SRPK2: variants seen among roughly 807,000 people sequenced by gnomAD.
SRPK2 encodes the protein SRSF protein kinase 2, also known as SFRS protein kinase 2.
A neutral mutation model predicts 90.8 loss-of-function variants in SRPK2; 21 were observed. That is an observed-to-expected ratio of 0.23 (90% CI 0.16 to 0.33). The LOEUF (loss-of-function observed/expected upper bound fraction) is 0.33. Among genes scored for constraint, SRPK2 ranks in the 10% least tolerant of loss-of-function variants. The pLI is 1.00. For synonymous variants in SRPK2, 288 were observed against 311.1 expected, an observed-to-expected ratio of 0.93 and a Z score of 0.78; for missense variants, 620 against 869.0, an observed-to-expected ratio of 0.71 and a Z score of 3.60.
intron 2 of SRPK2, among the ~76,000 whole-genome samples, chr7:105,329,232 A>G (rs1164196952): frequency 1.3e-5 from 2 of 152,128 alleles, no homozygotes; most frequent in Non-Finnish European, 2.9e-5. Context: ...CCCTAAAAGA[A>G]AGCTCTTTTC....
intron 1 of SRPK2, among the ~76,000 whole-genome samples, chr7:105,395,189 A>G (rs1222334976): frequency 6.6e-6 from 1 of 152,060 alleles, no homozygotes; most frequent in Non-Finnish European, 1.5e-5. Flanking sequence ...AAAACAAAAC[A>G]AAACAAAAAA....
In SRPK2 at chr7:105,143,340, G is replaced by C; in HGVS notation, c.814-10C>G. The C allele has an allele frequency of 1.9e-6, 3 of 1,608,056 alleles. No individual in the cohort carries two copies. The highest frequency in any genetic ancestry group is 2.5e-6 in the Non-Finnish European group (3 of 1,179,336). ...TAGATATTTTTCCTATCTATGTTAA[G>C]GAAAGACCACAGGTCAGTATTCTTC... is the stretch of plus-strand genomic sequence containing the variant. On this transcript the variant is annotated splice_polypyrimidine_tract_variant and intron_variant, in intron 9 of 15. Coordinates refer to ENST00000393651, the MANE Select transcript of SRPK2 (RefSeq NM_182692.3).
chr7:105,294,000 G>T (rs555959482), intron 2 of SRPK2, among the ~76,000 whole-genome samples: 1 of 152,184 alleles, frequency 6.6e-6, no homozygotes, highest in East Asian at 1.9e-4. Context: ...CCTGCACCGG[G>T]GTCAGGGGGC....
chr7:105,203,609 A>G lies in SRPK2; in HGVS notation c.229+19T>C. The G allele has an allele frequency of 6.8e-7, 1 of 1,470,826 alleles. No individual in the cohort carries two copies. The highest frequency in any genetic ancestry group is 9.0e-7 in the Non-Finnish European group (1 of 1,112,380). The allele number at this position is 1,470,826 out of a possible 1,614,324, so 91.1% of individuals were successfully genotyped here. A position where few individuals can be genotyped will look rare whatever the true frequency, so the allele number is the denominator to read the frequency against. ...CAATGGGGAAGGCAAGCCCCACACC[A>G]CCATGCTTGGCACATCACCTTTGCA... On this transcript the variant is annotated intron_variant, in intron 3 of 15. Coordinates refer to ENST00000393651, the MANE Select transcript of SRPK2 (RefSeq NM_182692.3).
intron 2 of SRPK2, chr7:105,244,997 A>G (rs1466480341): frequency 1.4e-5 from 13 of 956,096 alleles, no homozygotes; most frequent in Non-Finnish European, 1.8e-5. Context: ...TCTCCCTGAA[A>G]TAAAGAACAG....
chr7:105,216,982 C>T (rs902343397), intron 2 of SRPK2, among the ~76,000 whole-genome samples: 1 of 152,138 alleles, frequency 6.6e-6, no homozygotes, highest in Non-Finnish European at 1.5e-5. Flanking sequence ...AAGGTTAATC[C>T]TCACCTCCCC....
intron 2 of SRPK2, among the ~76,000 whole-genome samples, chr7:105,245,935 C>T (rs538895359): frequency 4.6e-5 from 7 of 152,010 alleles, no homozygotes; most frequent in Non-Finnish European, 1.0e-4. Flanking sequence ...TAGGTCACCG[C>T]GAGGCAGGAT....
rs142822837 is a variant in SRPK2, at chr7:105,294,824, C to A, written c.72-91039G>T. 3.3e-4 allele frequency among the ~76,000 whole-genome samples: 50 copies of A among 152,314 alleles called. 1 individual carries two copies. In the East Asian group the frequency reaches 3.7e-3, roughly 11 times the overall value. The stretch of plus-strand genomic sequence containing the variant: ...TACAGGTGTGAGCCACCGCACCCAA[C>A]CCTTAGTCATTTTCTAATCCTGTTT... On this transcript the variant is annotated intron_variant, in intron 2 of 15. Transcript: ENST00000393651.
At chr7:105,269,088 G>C in intron 2 of SRPK2, 1 of 1,190,256 alleles carries the variant, frequency 8.4e-7, no homozygotes, top group Non-Finnish European at 1.1e-6. Context: ...ATGAAAGCAG[G>C]AAGTACCATT....
chr7:105,363,275 C>T (rs1015103225), intron 2 of SRPK2, among the ~76,000 whole-genome samples: 2 of 151,700 alleles, frequency 1.3e-5, no homozygotes, highest in Non-Finnish European at 2.9e-5. Flanking sequence ...TGCAATCTAC[C>T]CATCTGACAA....
chr7:105,213,035 A>C (rs2129613063), intron 2 of SRPK2, among the ~76,000 whole-genome samples: 1 of 152,314 alleles, frequency 6.6e-6, no homozygotes, highest in Non-Finnish European at 1.5e-5. Context: ...GCAAATACTA[A>C]ACCATTTTAT....
chr7:105,388,857 C>G lies in SRPK2; in HGVS notation c.-51G>C, dbSNP rs1023548346. 3 of 1,312,180 alleles carry G rather than the reference C, an allele frequency of 2.3e-6. No homozygotes were observed. Among genetic ancestry groups the G allele is most frequent in the South Asian group, 2.1e-5 (1 of 47,100 alleles). 81.3% of individuals were successfully genotyped at this position (1,312,180 alleles called of 1,614,324 possible). A position where few individuals can be genotyped will look rare whatever the true frequency, so the allele number is the denominator to read the frequency against. On this transcript the variant is annotated 5_prime_UTR_variant, in exon 1 of 16. Coordinates refer to ENST00000393651, the MANE Select transcript of SRPK2 (RefSeq NM_182692.3). The stretch of plus-strand genomic sequence containing the variant: ...GGGCTTCGCGACGGCGACGCGGGCG[C>G]CGAGACGAGCTGGGCTGCAGCCTCC...
chr7:105,320,420 C>A (rs1200473850), intron 2 of SRPK2, among the ~76,000 whole-genome samples: 1 of 152,152 alleles, frequency 6.6e-6, no homozygotes, highest in Non-Finnish European at 1.5e-5. Flanking sequence ...TATAAAATTT[C>A]TTCAGTGTTT....
intron 2 of SRPK2, among the ~76,000 whole-genome samples, chr7:105,299,542 A>T (rs1341875110): frequency 6.6e-6 from 1 of 152,252 alleles, no homozygotes; most frequent in Admixed American, 6.5e-5. Flanking sequence ...CTGGAGAGAT[A>T]TAACGGTCCC....
intron 2 of SRPK2, among the ~76,000 whole-genome samples, chr7:105,309,394 C>T (rs1811466623): frequency 6.6e-6 from 1 of 152,092 alleles, no homozygotes; most frequent in Admixed American, 6.5e-5. Context: ...TTAAAGTATC[C>T]TAGGATAGTT....
chr7:105,152,396 C>G (rs1192656205), intron 7 of SRPK2, among the ~76,000 whole-genome samples: 1 of 152,110 alleles, frequency 6.6e-6, no homozygotes, highest in Non-Finnish European at 1.5e-5. Context: ...GTGATCTACA[C>G]ATTTCGGCCT....
chr7:105,267,821 A>G (rs913687483), intron 2 of SRPK2, among the ~76,000 whole-genome samples: 15 of 152,072 alleles, frequency 9.9e-5, no homozygotes, highest in African/African-American at 3.4e-4. Flanking sequence ...TTATTTCTCC[A>G]TTATTTTTCT....
intron 2 of SRPK2, among the ~76,000 whole-genome samples, chr7:105,359,533 A>G (rs1818194249): frequency 6.6e-6 from 1 of 152,146 alleles, no homozygotes; most frequent in Non-Finnish European, 1.5e-5. Context: ...AGACGTCAAA[A>G]GCAGTCTTCA....
At chr7:105,310,153 T>A (rs538682337) in intron 2 of SRPK2, among the ~76,000 whole-genome samples, 1 of 152,140 alleles carries the variant, frequency 6.6e-6, no homozygotes, top group South Asian at 2.1e-4. Context: ...GCTAGGGAGA[T>A]GAGCCTGGGA....
Sources: allele counts gnomAD v4.1 joint callset (sites outside exome capture counted in the v4.1 genomes callset), GRCh38; gene constraint gnomAD v4.1.1; transcripts MANE v1.5; gene names NCBI Gene and HGNC (gene_info 2026-07-23, HGNC 2026-07-21).